The following GCM1 variants were observed in gnomAD, a reference collection of about 807,000 sequenced individuals.
GCM1 encodes the protein chorion-specific transcription factor GCMa.
Under a neutral mutation model 25.7 loss-of-function variants are expected in GCM1, and 2 were observed. That is an observed-to-expected ratio of 0.08 (90% CI 0.03 to 0.24). GCM1 has a LOEUF of 0.24. Among genes scored for constraint, GCM1 ranks in the 10% least tolerant of loss-of-function variants. The probability of loss-of-function intolerance (pLI) is 1.00; values close to 1 mark genes in which losing one functional copy is unlikely to be tolerated. For missense variants in GCM1, 395 were observed against 538.7 expected, an observed-to-expected ratio of 0.73 and a Z score of 2.64; for synonymous variants, 183 against 195.7, an observed-to-expected ratio of 0.94 and a Z score of 0.54.
intron 4 of GCM1, 124 bp downstream of exon 4, chr6:53,131,883 T>TA: frequency 1.4e-6 from 1 of 692,422 alleles, no homozygotes; most frequent in Non-Finnish European, 2.7e-6. Flanking sequence ...AGGGGACAGA[T>TA]ACTTGCTCTC....
intron 2 of GCM1, among the ~76,000 whole-genome samples, 174 bp downstream of exon 2, chr6:53,145,384 A>G (rs9367511): frequency 0.2 from 29,890 of 152,088 alleles, 3,628 homozygotes; most frequent in African/African-American, 0.34. Flanking sequence ...CACTCAAATC[A>G]TAGGTCTTGC....
At chr6:53,137,895 C>T (rs1763821904) in intron 2 of GCM1, among the ~76,000 whole-genome samples, 1 of 152,138 alleles carries the variant, frequency 6.6e-6, no homozygotes, top group South Asian at 2.1e-4. Context: ...AGCAAAGACT[C>T]CTTGCCTGTA....
chr6:53,139,243 C>T (rs962645487), intron 2 of GCM1, among the ~76,000 whole-genome samples: 1 of 152,024 alleles, frequency 6.6e-6, no homozygotes, highest in Non-Finnish European at 1.5e-5. Context: ...AAACCTTCAA[C>T]CAATGTTTTG....
At position 53,145,667 on chromosome 6, in the gene GCM1, C is replaced by G. The variant is rs766210321; in HGVS notation, c.-35G>C. On this transcript the variant is annotated 5_prime_UTR_variant, in exon 2 of 6. Transcript: ENST00000259803. ...AGGCCAGCCAAGGTTTTCACCTATT[C>G]GACTCCCCTCAGAAATGCTTGAGAA... is the stretch of plus-strand genomic sequence containing the variant. The G allele has an allele frequency of 2.5e-6, 3 of 1,176,804 alleles. No homozygotes were observed. The highest frequency in any genetic ancestry group is 3.8e-6 in the Non-Finnish European group (3 of 784,096). The allele number at this position is 1,176,804 out of a possible 1,614,324, so 72.9% of individuals were successfully genotyped here.
At chr6:53,134,407 G>T in intron 2 of GCM1, 83 bp from the exon 3 acceptor site, 1 of 1,351,340 alleles carries the variant, frequency 7.4e-7, no homozygotes, top group Non-Finnish European at 1.0e-6. Flanking sequence ...AGATAGGAAG[G>T]ATGTTTTGGC....
intron 2 of GCM1, among the ~76,000 whole-genome samples, chr6:53,144,218 T>C (rs1276137379): frequency 6.6e-6 from 1 of 152,148 alleles, no homozygotes; most frequent in East Asian, 1.9e-4. Context: ...GGCCAGTAGT[T>C]TGAGACCAAC....
intron 2 of GCM1, among the ~76,000 whole-genome samples, chr6:53,144,991 AG>A (rs1763934040): frequency 1.3e-5 from 2 of 150,660 alleles, no homozygotes; most frequent in African/African-American, 2.4e-5. Context: ...AGAAAGAGAG[AG>A]AGAAAGAAAG....
At position 53,145,786 on chromosome 6, in the gene GCM1, A is replaced by G. The variant is rs1763946126; in HGVS notation, c.-136-18T>C. 1 of 578,604 alleles carries G rather than the reference A, an allele frequency of 1.7e-6. No homozygotes were observed. 35.8% of individuals were successfully genotyped at this position (578,604 alleles called of 1,614,324 possible). ...TTCTAGGGCTAAAAAAATAAGTTAT[A>G]TTAGTATTGGCCATTAAAGAGATTT... On this transcript the variant is annotated intron_variant, in intron 1 of 5. Coordinates refer to ENST00000259803, the MANE Select transcript of GCM1 (RefSeq NM_003643.4).
At chr6:53,147,093 G>T (rs1021741363) in intron 1 of GCM1, among the ~76,000 whole-genome samples, 3 of 152,062 alleles carry the variant, frequency 2.0e-5, no homozygotes, top group African/African-American at 7.2e-5. Flanking sequence ...ATAAAAGTTT[G>T]TTCAAATGGC....
At chr6:53,141,117 G>A (rs1215410224) in intron 2 of GCM1, among the ~76,000 whole-genome samples, 1 of 152,064 alleles carries the variant, frequency 6.6e-6, no homozygotes, top group Non-Finnish European at 1.5e-5. Context: ...TTTCTACATG[G>A]CATTGATTCT....
intron 3 of GCM1, among the ~76,000 whole-genome samples, chr6:53,133,218 G>A (rs907857887): frequency 1.4e-4 from 21 of 152,208 alleles, no homozygotes; most frequent in African/African-American, 4.8e-4. Context: ...AGGCTGGAGT[G>A]CAGTGGCACA....
At position 53,128,791 on chromosome 6, in the gene GCM1, A is replaced by G. The variant is rs1396602263; in HGVS notation, c.726T>C (p.Tyr242=). The change falls in exon 6 of 6, where the codon TAT becomes TAC. Residue 242 remains tyrosine, a synonymous_variant. Coordinates refer to ENST00000259803, the MANE Select transcript of GCM1 (RefSeq NM_003643.4). The part of the protein sequence containing the change: ...LNDCFSFSKS[Y]GLGGITDLTD... The stretch of plus-strand genomic sequence containing the variant: ...TCAGATCTGTGATTCCTCCCAGACC[A>G]TAACTCTTGGAGAAGGAAAAGCAAT... 1.9e-6 allele frequency: 3 copies of G among 1,612,796 alleles called. No individual in the cohort carries two copies. The highest frequency in any genetic ancestry group is 1.3e-5 in the African/African-American group (1 of 74,900).
chr6:53,147,057 GAATA>G (rs894237571), intron 1 of GCM1, among the ~76,000 whole-genome samples: 2 of 151,836 alleles, frequency 1.3e-5, no homozygotes, highest in Non-Finnish European at 2.9e-5. Flanking sequence ...ATGAATGAAT[GAATA>G]AATAAATAAA....
rs150847762 is a variant in GCM1 at position 53,134,138 on chromosome 6, C to A, written c.262G>T (p.Ala88Ser). ...AGGTAGATCTTGCGCCCCTCCTCTG[C>A]GAGACAGTCGCGGCCGCACACCACC... ...GVVVCGRDCLAEEGRKIYLRP... is the reference protein window; with the variant it reads ...GVVVCGRDCLSEEGRKIYLRP... The change falls in exon 3 of 6, where the codon GCA becomes TCA. Residue 88 changes from alanine (A) to serine (S), a missense_variant. Ala to Ser is a moderately conservative substitution (Grantham distance 99). Around this residue, in one of 5 missense-constraint regions of GCM1, gnomAD observed 21 missense variants for 22.9 expected, o/e 0.92. Coordinates refer to ENST00000259803, the MANE Select transcript of GCM1 (RefSeq NM_003643.4). 1 of 1,614,108 alleles carries A rather than the reference C, an allele frequency of 6.2e-7. No individual in the cohort carries two copies. Among genetic ancestry groups the A allele is most frequent in the Non-Finnish European group, 8.5e-7 (1 of 1,180,002 alleles).
intron 1 of GCM1, 87 bp from the exon 2 acceptor site, chr6:53,145,855 C>G (rs1763947216): frequency 2.2e-6 from 1 of 464,666 alleles, no homozygotes; most frequent in Non-Finnish European, 3.7e-6. Context: ...ACCTGTTTCA[C>G]TGACATTTTT....
chr6:53,137,962 G>A (rs771419382), intron 2 of GCM1, among the ~76,000 whole-genome samples: 3 of 151,702 alleles, frequency 2.0e-5, no homozygotes, highest in African/African-American at 4.8e-5. Flanking sequence ...CCCTCCACTG[G>A]TACCTTAGTT....
At chr6:53,145,470 T>G (rs1472112354) in intron 2 of GCM1, 88 bp downstream of exon 2, 1 of 794,178 alleles carries the variant, frequency 1.3e-6, no homozygotes, top group Non-Finnish European at 2.3e-6. Context: ...GCTGGAATCC[T>G]CACCAATTTC....
chr6:53,142,822 T>G (rs1763899000), intron 2 of GCM1, among the ~76,000 whole-genome samples: 1 of 127,224 alleles, frequency 7.9e-6, no homozygotes. Flanking sequence ...CCCCTCATTT[T>G]CAGAGAGGAA....
intron 2 of GCM1, among the ~76,000 whole-genome samples, chr6:53,137,723 G>T (rs972708779): frequency 1.3e-5 from 2 of 152,198 alleles, no homozygotes; most frequent in African/African-American, 4.8e-5. Flanking sequence ...ATAAAACACA[G>T]TTGTCAGGAT....
Sources: gnomAD v4.1 joint callset for allele counts (sites outside exome capture counted in the v4.1 genomes callset) on GRCh38, gnomAD v4.1.1 for gene constraint, gnomAD v4.1.1 regional missense constraint, MANE v1.5 for transcripts, NCBI Gene and HGNC (gene_info 2026-07-23, HGNC 2026-07-21) for gene names.